The following GRIK4 variants were observed in gnomAD, a reference collection of about 807,000 sequenced individuals.
The protein encoded by GRIK4 is glutamate receptor ionotropic, kainate 4.
GRIK4 carries 40 observed loss-of-function variants against 104.9 expected under a neutral mutation model. The observed-to-expected ratio is 0.38, with a 90% confidence interval of 0.30 to 0.50. The LOEUF (loss-of-function observed/expected upper bound fraction) is 0.50, where lower values mean the gene tolerates loss of function less well. Among genes scored for constraint, GRIK4 ranks in the 20% least tolerant of loss-of-function variants. The pLI is 0.93. For missense variants in GRIK4, 1,047 were observed against 1,308.1 expected, an observed-to-expected ratio of 0.80 and a Z score of 3.08; for synonymous variants, 485 against 524.9, an observed-to-expected ratio of 0.92 and a Z score of 1.04.
At chr11:120,597,440 T>G (rs1246653671) in intron 1 of GRIK4, among the ~76,000 whole-genome samples, 1 of 152,216 alleles carries the variant, frequency 6.6e-6, no homozygotes, top group Non-Finnish European at 1.5e-5. Context: ...CTTGGCTGAC[T>G]ACCCAACAGG....
chr11:120,826,746 G>A (rs1268110523), intron 6 of GRIK4, among the ~76,000 whole-genome samples: 1 of 152,216 alleles, frequency 6.6e-6, no homozygotes, highest in Non-Finnish European at 1.5e-5. Flanking sequence ...CTCTTGCCCT[G>A]CTGGTCTTCC....
At chr11:120,589,924 C>A (rs1948714570) in intron 1 of GRIK4, among the ~76,000 whole-genome samples, 1 of 152,158 alleles carries the variant, frequency 6.6e-6, no homozygotes, top group Non-Finnish European at 1.5e-5. Flanking sequence ...GGTCATTGGA[C>A]CCAATCCCCT....
In GRIK4 at chr11:120,864,916, C is replaced by T. The variant is rs895124042; in HGVS notation, c.906+2796C>T. Among the ~76,000 whole-genome samples the T allele has an allele frequency of 1.1e-4, 16 of 152,178 alleles. No individual in the cohort carries two copies. The East Asian group carries it at 1.7e-3, about 16-fold the overall frequency. On this transcript the variant is annotated intron_variant, in intron 9 of 20. Coordinates refer to ENST00000527524, the MANE Select transcript of GRIK4 (RefSeq NM_014619.5). ...AATACTGGCCTTGACATTTTCTCAC[C>T]GTGTGATCTGAGGTAGTGACGTAAC...
At chr11:120,959,209 G>A (rs751370981) in intron 16 of GRIK4, among the ~76,000 whole-genome samples, 6 of 152,182 alleles carry the variant, frequency 3.9e-5, no homozygotes, top group Non-Finnish European at 7.3e-5. Flanking sequence ...AAGTAAATGA[G>A]CTCAGAGAAG....
intron 1 of GRIK4, among the ~76,000 whole-genome samples, chr11:120,563,452 T>G (rs1203760895): frequency 6.6e-6 from 1 of 152,074 alleles, no homozygotes; most frequent in Non-Finnish European, 1.5e-5. Context: ...GGGAAGGAAG[T>G]AGGGTGGACA....
At chr11:120,713,448 C>T (rs1950774609) in intron 3 of GRIK4, among the ~76,000 whole-genome samples, 1 of 152,200 alleles carries the variant, frequency 6.6e-6, no homozygotes, top group Non-Finnish European at 1.5e-5. Flanking sequence ...AGGGGGGCCA[C>T]CCTTGCGTCA....
rs1214192197 is a variant in GRIK4 at position 120,555,965 on chromosome 11, A to G, written c.-159+44078A>G. ...GTCATATTTCTAATGGTTTACTTAC[A>G]TGTTAGACTGTCGGCTACTTGAAAC... is the stretch of plus-strand genomic sequence containing the variant. On this transcript the variant is annotated intron_variant, in intron 1 of 20. Transcript: ENST00000527524. This position sits in a 1 kb window ranked among gnomAD's most constrained non-coding sequence, Gnocchi z 5.3. Among the ~76,000 whole-genome samples, 1 of 152,194 alleles carries G rather than the reference A, an allele frequency of 6.6e-6. No homozygotes were observed. Among genetic ancestry groups the G allele is most frequent in the Non-Finnish European group, 1.5e-5 (1 of 68,034 alleles).
intron 3 of GRIK4, among the ~76,000 whole-genome samples, chr11:120,693,793 C>T (rs936776447): frequency 5.9e-5 from 9 of 152,158 alleles, no homozygotes; most frequent in Non-Finnish European, 8.8e-5. Context: ...CTCCCATTTT[C>T]CACCTTGGAG....
chr11:120,728,600 CTT>C (rs1379735121), intron 3 of GRIK4, among the ~76,000 whole-genome samples: 2 of 151,952 alleles, frequency 1.3e-5, no homozygotes, highest in African/African-American at 4.8e-5. Flanking sequence ...TTAAAAATAT[CTT>C]TTCACAATTT....
chr11:120,811,683 T>C (rs1219097171), intron 4 of GRIK4, among the ~76,000 whole-genome samples: 1 of 152,192 alleles, frequency 6.6e-6, no homozygotes. Flanking sequence ...TAGATATACA[T>C]ATAATTTTAT....
intron 1 of GRIK4, among the ~76,000 whole-genome samples, chr11:120,537,853 A>G (rs1947993701): frequency 6.6e-6 from 1 of 151,500 alleles, no homozygotes; most frequent in African/African-American, 2.4e-5. Flanking sequence ...TTGTTCTTAA[A>G]AAAAAAAAAA....
intron 19 of GRIK4, among the ~76,000 whole-genome samples, chr11:120,969,273 T>TGG (rs371587495): frequency 6.6e-6 from 1 of 151,146 alleles, no homozygotes; most frequent in East Asian, 1.9e-4. Context: ...TAAAAGAAAA[T>TGG]GGGGGGGATG....
chr11:120,901,545 A>G (rs2850814), intron 12 of GRIK4, among the ~76,000 whole-genome samples: 127,549 of 152,088 alleles, frequency 0.84, 53,748 homozygotes, highest in East Asian at 0.91. Flanking sequence ...ATTAGAGGTC[A>G]TTATTTAAAG....
chr11:120,836,885 TGTCAGTG>T, intron 8 of GRIK4, 41 bp downstream of exon 8: 1 of 1,252,318 alleles, frequency 8.0e-7, no homozygotes, highest in Non-Finnish European at 1.2e-6. Flanking sequence ...AAGAGAGTGT[TGTCAGTG>T]GTCAGGATTG....
intron 3 of GRIK4, among the ~76,000 whole-genome samples, chr11:120,783,708 G>A (rs985889286): frequency 6.6e-6 from 1 of 152,078 alleles, no homozygotes; most frequent in Non-Finnish European, 1.5e-5. Context: ...TATGCATTTT[G>A]AATATTCTGA....
intron 11 of GRIK4, among the ~76,000 whole-genome samples, chr11:120,877,008 C>G (rs777914480): frequency 6.6e-6 from 1 of 152,126 alleles, no homozygotes; most frequent in Non-Finnish European, 1.5e-5. Context: ...TCTAGGAGAT[C>G]GTAATTATGC....
Position 120,557,022 on chromosome 11 carries a change from G to A in GRIK4, c.-159+45135G>A, listed in dbSNP as rs550686474. 9.2e-5 allele frequency among the ~76,000 whole-genome samples: 14 copies of A among 152,146 alleles called. No individual in the cohort carries two copies. The South Asian group carries it at 2.9e-3, about 32-fold the overall frequency. ...GAGCTGACCCGTCCAGTCTCCTCCT[G>A]CCCACAGAAGGCACCGACCTCTGAC... On this transcript the variant is annotated intron_variant, in intron 1 of 20. Coordinates refer to ENST00000527524, the MANE Select transcript of GRIK4 (RefSeq NM_014619.5).
intron 4 of GRIK4, among the ~76,000 whole-genome samples, chr11:120,803,644 G>A (rs1952663291): frequency 5.3e-5 from 8 of 152,120 alleles, no homozygotes; most frequent in Admixed American, 5.2e-4. Flanking sequence ...CGCCATGTTG[G>A]CCAGGTTGGT....
rs549368418 is a variant in GRIK4 at position 120,808,979 on chromosome 11, GC to G, written c.247+6127del. Among the ~76,000 whole-genome samples the G allele has an allele frequency of 5.9e-5, 9 of 152,256 alleles. No homozygotes were observed. In the South Asian group the frequency reaches 1.7e-3, roughly 28 times the overall value. On this transcript the variant is annotated intron_variant, in intron 4 of 20. Coordinates refer to ENST00000527524, the MANE Select transcript of GRIK4 (RefSeq NM_014619.5). The stretch of plus-strand genomic sequence containing the variant: ...CCTCACTGTCAGGCAGGAGGACCTG[GC>G]CCCCTGGGTCCATCCAGGAAGCTGC...
Sources: allele counts gnomAD v4.1 joint callset (sites outside exome capture counted in the v4.1 genomes callset), GRCh38; gene constraint gnomAD v4.1.1; non-coding constraint Gnocchi (gnomAD v3.1); transcripts MANE v1.5; gene names NCBI Gene and HGNC (gene_info 2026-07-23, HGNC 2026-07-21).